Variants in PAK5 observed in about 807,000 individuals in gnomAD.
The protein encoded by PAK5 is serine/threonine-protein kinase PAK 5.
Under a neutral mutation model 65.9 loss-of-function variants are expected in PAK5, and 16 were observed. That is an observed-to-expected ratio of 0.24 (90% CI 0.16 to 0.37). The LOEUF (loss-of-function observed/expected upper bound fraction) is 0.37, where lower values mean the gene tolerates loss of function less well. Ranked by LOEUF, PAK5 falls within the 10% of genes least tolerant of loss-of-function variation. The pLI is 1.00. For synonymous variants in PAK5, 371 were observed against 354.9 expected, an observed-to-expected ratio of 1.05 and a Z score of -0.51; for missense variants, 785 against 903.9, an observed-to-expected ratio of 0.87 and a Z score of 1.69.
In PAK5 at chr20:9,581,256, A is replaced by G. The variant is rs138354600; in HGVS notation, c.205-326T>C. On this transcript the variant is annotated intron_variant, in intron 3 of 9. Coordinates refer to ENST00000353224, the MANE Select transcript of PAK5 (RefSeq NM_177990.4). ...CAAATCCCTTCCCCCTACTTCTTCT[A>G]CCTAAATAATAAGCCCTAACCACCT... Among the ~76,000 whole-genome samples, 890 of 152,294 alleles carry G rather than the reference A, an allele frequency of 5.8e-3. 6 individuals carry two copies. Among genetic ancestry groups the G allele is most frequent in the African/African-American group, 0.02 (848 of 41,564 alleles).
chr20:9,619,822 G>A (rs749516564), intron 3 of PAK5, among the ~76,000 whole-genome samples: 1 of 152,154 alleles, frequency 6.6e-6, no homozygotes, highest in Non-Finnish European at 1.5e-5. Context: ...TTTGACAGAA[G>A]ATCACCAGGG....
At chr20:9,800,491 CTT>C (rs1400535876) in intron 1 of PAK5, among the ~76,000 whole-genome samples, 1 of 152,126 alleles carries the variant, frequency 6.6e-6, no homozygotes, top group Admixed American at 6.6e-5. Flanking sequence ...TACTTAGAGA[CTT>C]TTTAGTTCTC....
intron 5 of PAK5, among the ~76,000 whole-genome samples, chr20:9,563,843 T>A (rs1010135261): frequency 6.6e-6 from 1 of 152,202 alleles, no homozygotes; most frequent in South Asian, 2.1e-4. Context: ...TTGGAGCGTG[T>A]GTAAGAAATA....
intron 1 of PAK5, among the ~76,000 whole-genome samples, chr20:9,821,051 G>T (rs1300785462): frequency 1.3e-5 from 2 of 152,136 alleles, no homozygotes; most frequent in Non-Finnish European, 2.9e-5. Flanking sequence ...TAGAACCCAT[G>T]GTGCCCTCTG....
At chr20:9,703,047 T>C (rs997100804) in intron 2 of PAK5, among the ~76,000 whole-genome samples, 2 of 152,142 alleles carry the variant, frequency 1.3e-5, no homozygotes, top group African/African-American at 2.4e-5. Context: ...AGTGATAGAT[T>C]GTACCTAAAA....
At chr20:9,793,323 A>C (rs748942017) in intron 1 of PAK5, among the ~76,000 whole-genome samples, 3 of 152,130 alleles carry the variant, frequency 2.0e-5, no homozygotes, top group Non-Finnish European at 2.9e-5. Flanking sequence ...AAAAAGATAA[A>C]ATTTTGTAAA....
At chr20:9,547,947 G>A (rs2045369027) in intron 7 of PAK5, among the ~76,000 whole-genome samples, 1 of 152,134 alleles carries the variant, frequency 6.6e-6, no homozygotes, top group Non-Finnish European at 1.5e-5. Flanking sequence ...TGAACAGGTG[G>A]GGATAAGGGG....
At chr20:9,627,261 T>A (rs796194977) in intron 3 of PAK5, among the ~76,000 whole-genome samples, 16 of 152,370 alleles carry the variant, frequency 1.1e-4, no homozygotes, top group African/African-American at 3.4e-4. Flanking sequence ...TATTTCCTCA[T>A]GCACCTCTCC....
intron 2 of PAK5, among the ~76,000 whole-genome samples, chr20:9,651,994 G>A (rs1407343666): frequency 5.3e-5 from 8 of 152,146 alleles, no homozygotes; most frequent in Admixed American, 5.2e-4. Context: ...ATTTTAAAAT[G>A]GTGACTTTAA....
At position 9,539,387 on chromosome 20, in the gene PAK5, TTC is replaced by T; in HGVS notation, c.*73_*74del. ...CTAGAATGCACAGGCCTTTTGCATG[TTC>T]TGTGTTTCCTTTTGTTCTCCTGAAT... On this transcript the variant is annotated 3_prime_UTR_variant, in exon 10 of 10. Transcript: ENST00000353224. 2 of 1,439,822 alleles carry T rather than the reference TTC, an allele frequency of 1.4e-6. No homozygotes were observed. The highest frequency in any genetic ancestry group is 1.9e-6 in the Non-Finnish European group (2 of 1,031,674). 89.2% of individuals were successfully genotyped at this position (1,439,822 alleles called of 1,614,324 possible). A position where few individuals can be genotyped will look rare whatever the true frequency, so the allele number is the denominator to read the frequency against.
chr20:9,665,013 G>A (rs2047395076), intron 2 of PAK5, among the ~76,000 whole-genome samples: 1 of 150,378 alleles, frequency 6.6e-6, no homozygotes. Context: ...GGGCTCAAGT[G>A]ATCCTCCCAC....
At chr20:9,665,666 T>TC (rs1007868353) in intron 2 of PAK5, among the ~76,000 whole-genome samples, 5 of 151,504 alleles carry the variant, frequency 3.3e-5, no homozygotes, top group Non-Finnish European at 5.9e-5. Flanking sequence ...TCTTTTCTTT[T>TC]TTTTTTTTTG....
chr20:9,620,351 T>C (rs2046746558), intron 3 of PAK5, among the ~76,000 whole-genome samples: 1 of 152,170 alleles, frequency 6.6e-6, no homozygotes, highest in East Asian at 1.9e-4. Flanking sequence ...TGAATTCAGG[T>C]CTCTTCAGAA....
chr20:9,660,942 TG>T, intron 2 of PAK5, among the ~76,000 whole-genome samples: 1 of 152,030 alleles, frequency 6.6e-6, no homozygotes, highest in East Asian at 1.9e-4. Context: ...CTGGGGAGCT[TG>T]TTTAAAAATG....
intron 3 of PAK5, among the ~76,000 whole-genome samples, chr20:9,614,806 C>G (rs891053855): frequency 1.3e-5 from 2 of 152,204 alleles, no homozygotes; most frequent in African/African-American, 4.8e-5. Context: ...GCTAGCAGAT[C>G]TGCCTTGTTA....
chr20:9,671,591 A>G (rs1474767701), intron 2 of PAK5, among the ~76,000 whole-genome samples: 1 of 151,372 alleles, frequency 6.6e-6, no homozygotes, highest in East Asian at 1.9e-4. Flanking sequence ...TTATTGGTGT[A>G]TAAGAATGCT....
intron 2 of PAK5, among the ~76,000 whole-genome samples, chr20:9,653,930 T>C (rs1407487022): frequency 2.0e-5 from 3 of 151,456 alleles, no homozygotes; most frequent in Admixed American, 1.3e-4. Context: ...ATTCCATCTT[T>C]CCCACTTTCT....
At chr20:9,662,443 C>CT (rs2047359137) in intron 2 of PAK5, among the ~76,000 whole-genome samples, 1 of 152,156 alleles carries the variant, frequency 6.6e-6, no homozygotes, top group East Asian at 1.9e-4. Flanking sequence ...TACAACTGGG[C>CT]AAACATGTGC....
chr20:9,605,189 C>T (rs1044050886), intron 3 of PAK5, among the ~76,000 whole-genome samples: 1 of 152,208 alleles, frequency 6.6e-6, no homozygotes, highest in African/African-American at 2.4e-5. Flanking sequence ...GGGTATTTAT[C>T]CAAGAACTTC....
Sources: gnomAD v4.1 joint callset for allele counts (sites outside exome capture counted in the v4.1 genomes callset) on GRCh38, gnomAD v4.1.1 for gene constraint, MANE v1.5 for transcripts, NCBI Gene and HGNC (gene_info 2026-07-23, HGNC 2026-07-21) for gene names.